The following AMN1 variants were observed in gnomAD, a reference collection of about 807,000 sequenced individuals.
AMN1 encodes antagonist of mitotic exit network 1 homolog, also known as protein AMN1 homolog.
In AMN1, 20 loss-of-function variants were observed where a neutral mutation model predicts 33.0. The ratio of observed to expected loss-of-function variants is 0.61; its 90% CI spans 0.43 to 0.88. AMN1 has a LOEUF of 0.88. Among genes scored for constraint, AMN1 ranks in the 40% least tolerant of loss-of-function variants. The pLI is 0.00. For synonymous variants in AMN1, 114 were observed against 111.9 expected, an observed-to-expected ratio of 1.02 and a Z score of -0.12; for missense variants, 246 against 307.4, an observed-to-expected ratio of 0.80 and a Z score of 1.49.
At chr12:31,728,431 A>G (rs1366164130) in intron 1 of AMN1, among the ~76,000 whole-genome samples, 1 of 152,204 alleles carries the variant, frequency 6.6e-6, no homozygotes, top group African/African-American at 2.4e-5. Context: ...TTTTATAGAT[A>G]AAGAACCTAG....
intron 1 of AMN1, among the ~76,000 whole-genome samples, chr12:31,710,010 C>T (rs1422795125): frequency 6.6e-6 from 1 of 152,112 alleles, no homozygotes; most frequent in Non-Finnish European, 1.5e-5. Context: ...TCCTAAGTGT[C>T]TAATTTCTAA....
At chr12:31,680,102 C>A (rs373059639) in intron 6 of AMN1, among the ~76,000 whole-genome samples, 2,590 of 129,198 alleles carry the variant, frequency 0.02, 70 homozygotes, top group African/African-American at 0.068. Flanking sequence ...CAGGCGGCAA[C>A]AAAGAGTGAA....
At chr12:31,680,792 T>G (rs781393332) in intron 6 of AMN1, among the ~76,000 whole-genome samples, 3 of 152,158 alleles carry the variant, frequency 2.0e-5, no homozygotes, top group Non-Finnish European at 4.4e-5. Flanking sequence ...GTAAATACTT[T>G]CTATATAATA....
At position 31,697,383 on chromosome 12, in the gene AMN1, C is replaced by T; in HGVS notation, c.569G>A (p.Gly190Glu). ...TACCTCTAATTTCTTCGCACAAGGT[C>T]CACTAACAAGTGCAATCACACCACT... Reference protein sequence around the residue: ...SDSGVIALVSGPCAKKLEEIH... With the variant: ...SDSGVIALVSEPCAKKLEEIH... Residue 190 changes from glycine (G) to glutamate (E), a missense_variant, in exon 5 of 7, where the codon GGA becomes GAA. Coordinates refer to ENST00000281471, the MANE Select transcript of AMN1 (RefSeq NM_001113402.2). 6.2e-7 allele frequency: 1 copy of T among 1,612,496 alleles called. No homozygotes were observed. Among genetic ancestry groups the T allele is most frequent in the South Asian group, 1.1e-5 (1 of 90,836 alleles).
At position 31,672,061 on chromosome 12, in the gene AMN1, A is replaced by AAAG. The variant is rs1951284318; in HGVS notation, c.*242_*243insCTT. The AAAG allele has an allele frequency of 2.5e-6, 1 of 392,462 alleles. No homozygotes were observed. Among genetic ancestry groups the AAAG allele is most frequent in the Non-Finnish European group, 4.6e-6 (1 of 217,370 alleles). The allele number at this position is 392,462 out of a possible 1,614,324, so 24.3% of individuals were successfully genotyped here. On this transcript the variant is annotated 3_prime_UTR_variant, in exon 7 of 7. Transcript: ENST00000281471. ...ATAGATCAGAGTTCATGCTAGGATT[A>AAAG]TCATTTCAAAAATAATGACTCATCC...
chr12:31,680,293 C>T (rs1017058508), intron 6 of AMN1, among the ~76,000 whole-genome samples: 22 of 151,730 alleles, frequency 1.4e-4, no homozygotes, highest in African/African-American at 4.6e-4. Flanking sequence ...CTCCGCCTCC[C>T]GGGTTCAAGC....
In AMN1 at chr12:31,709,662, A is replaced by G. The variant is rs58186299; in HGVS notation, c.39-237T>C. 4.9e-3 allele frequency among the ~76,000 whole-genome samples: 753 copies of G among 152,190 alleles called. 12 individuals are homozygous for G. The highest frequency in any genetic ancestry group is 0.018 in the African/African-American group (733 of 41,546). ...AGTGAAACCCTGTCTCTACAAAAAA[A>G]GAAAAAAAATACAAAAATTAGCTGA... On this transcript the variant is annotated intron_variant, in intron 1 of 6. Coordinates refer to ENST00000281471, the MANE Select transcript of AMN1 (RefSeq NM_001113402.2).
rs11551370 is a variant in AMN1 at position 31,697,925 on chromosome 12, G to A, written c.349C>T (p.Leu117=). 5 of 1,613,828 alleles carry A rather than the reference G, an allele frequency of 3.1e-6. No individual in the cohort carries two copies. Among genetic ancestry groups the A allele is most frequent in the Non-Finnish European group, 4.2e-6 (5 of 1,179,880 alleles). ...IKAVASSCSY[L]HEASLKRCCN... Reference sequence around the variant, plus strand: ...CATCTTTTCAAAGAAGCTTCGTGTAGGTATGAACAAGATGAAGCCACAGCT... The same window carrying A: ...CATCTTTTCAAAGAAGCTTCGTGTAAGTATGAACAAGATGAAGCCACAGCT... Residue 117 remains leucine, a synonymous_variant, in exon 4 of 7, where the codon CTA becomes TTA. Coordinates refer to ENST00000281471, the MANE Select transcript of AMN1 (RefSeq NM_001113402.2).
At chr12:31,673,580 G>A (rs890373806) in intron 6 of AMN1, 10 of 404,008 alleles carry the variant, frequency 2.5e-5, no homozygotes, top group Admixed American at 6.2e-5. Context: ...GACAAAGCTG[G>A]GTGGCTATAG....
chr12:31,691,393 G>C (rs1303008715), intron 5 of AMN1, among the ~76,000 whole-genome samples: 1 of 151,636 alleles, frequency 6.6e-6, no homozygotes, highest in Non-Finnish European at 1.5e-5. Context: ...AACTACAAAG[G>C]ACCAGAGACA....
chr12:31,672,061 A>G lies in AMN1; in HGVS notation c.*243T>C. The G allele has an allele frequency of 2.5e-6, 1 of 392,580 alleles. No individual in the cohort carries two copies. The highest frequency in any genetic ancestry group is 4.6e-6 in the Non-Finnish European group (1 of 217,362). The allele number at this position is 392,580 out of a possible 1,614,324, so 24.3% of individuals were successfully genotyped here. ...ATAGATCAGAGTTCATGCTAGGATT[A>G]TCATTTCAAAAATAATGACTCATCC... On this transcript the variant is annotated 3_prime_UTR_variant, in exon 7 of 7. Transcript: ENST00000281471.
intron 1 of AMN1, chr12:31,714,935 T>TTC (rs934388958): frequency 1.8e-5 from 18 of 982,806 alleles, no homozygotes; most frequent in Admixed American, 6.1e-5. Context: ...TTATTAACCA[T>TTC]TCAAGTCCAG....
chr12:31,675,791 G>A (rs2139649297), intron 6 of AMN1, among the ~76,000 whole-genome samples: 1 of 151,870 alleles, frequency 6.6e-6, no homozygotes, highest in East Asian at 1.9e-4. Flanking sequence ...ACAGGCGTGA[G>A]CCACCGTTAC....
chr12:31,712,064 C>T (rs940604887), intron 1 of AMN1, among the ~76,000 whole-genome samples: 3 of 145,054 alleles, frequency 2.1e-5, no homozygotes, highest in Non-Finnish European at 4.6e-5. Flanking sequence ...CTTCCTCCCT[C>T]CCTCCCTCCT....
rs139260347 is a variant in AMN1, at chr12:31,709,098, C to G, written c.171+195G>C. 1.9e-3 allele frequency: 1,244 copies of G among 653,490 alleles called. 8 individuals carry two copies. Among genetic ancestry groups the G allele is most frequent in the African/African-American group, 0.017 (970 of 56,012 alleles). 40.5% of individuals were successfully genotyped at this position (653,490 alleles called of 1,614,324 possible). ...GAGGCTGAAGAGGGATCACCTAAGT[C>G]CAGGCAGCGGAGGTTGCAGTGAGCT... On this transcript the variant is annotated intron_variant, in intron 2 of 6. Transcript: ENST00000281471.
intron 1 of AMN1, chr12:31,715,927 C>T (rs1473358011): frequency 6.6e-6 from 1 of 152,240 alleles, no homozygotes; most frequent in Admixed American, 6.5e-5. Flanking sequence ...AGTTTCCTAA[C>T]GTGACTAAAT....
intron 1 of AMN1, among the ~76,000 whole-genome samples, chr12:31,716,625 G>T (rs1939686152): frequency 6.6e-6 from 1 of 152,092 alleles, no homozygotes; most frequent in East Asian, 1.9e-4. Context: ...TTTATTGTCT[G>T]GTTGGATATC....
chr12:31,706,419 A>G (rs1939243941), intron 2 of AMN1, among the ~76,000 whole-genome samples: 1 of 151,822 alleles, frequency 6.6e-6, no homozygotes, highest in Non-Finnish European at 1.5e-5. Context: ...CTCACCCCCA[A>G]CAGCAATTGG....
intron 6 of AMN1, among the ~76,000 whole-genome samples, chr12:31,681,955 G>A (rs1408872774): frequency 6.6e-6 from 1 of 152,142 alleles, no homozygotes; most frequent in East Asian, 1.9e-4. Context: ...GGGATTACAG[G>A]CATGAGCCAC....
Sources: allele counts gnomAD v4.1 joint callset (sites outside exome capture counted in the v4.1 genomes callset), GRCh38; gene constraint gnomAD v4.1.1; transcripts MANE v1.5; gene names NCBI Gene and HGNC (gene_info 2026-07-23, HGNC 2026-07-21).